GPC5: variants seen among roughly 807,000 people sequenced by gnomAD.
GPC5 encodes the protein glypican 5, also known as glypican-5.
GPC5 carries 47 observed loss-of-function variants against 53.9 expected under a neutral mutation model. The observed-to-expected ratio is 0.87, with a 90% CI of 0.69 to 1.11. GPC5 has a LOEUF of 1.11. GPC5 is among the 50% of genes most tolerant of loss of function. The pLI is 0.00. For synonymous variants in GPC5, 286 were observed against 263.3 expected, an observed-to-expected ratio of 1.09 and a Z score of -0.84; for missense variants, 748 against 713.1, an observed-to-expected ratio of 1.05 and a Z score of -0.56.
At chr13:91,450,115 T>C (rs992799168) in intron 2 of GPC5, among the ~76,000 whole-genome samples, 3 of 152,202 alleles carry the variant, frequency 2.0e-5, no homozygotes, top group Non-Finnish European at 4.4e-5. Context: ...GTGTAGTTCA[T>C]GATGAATTAA....
chr13:92,416,598 G>C (rs901574571), intron 7 of GPC5, among the ~76,000 whole-genome samples: 1 of 152,102 alleles, frequency 6.6e-6, no homozygotes, highest in Non-Finnish European at 1.5e-5. Context: ...ACATAAAGTA[G>C]TATCTAAACC....
chr13:92,130,593 G>T (rs1253229132), intron 6 of GPC5, among the ~76,000 whole-genome samples: 1 of 152,008 alleles, frequency 6.6e-6, no homozygotes, highest in African/African-American at 2.4e-5. Flanking sequence ...AGTAATCATT[G>T]ACACAAAAAT....
chr13:91,662,742 C>T (rs1392366961), intron 2 of GPC5, among the ~76,000 whole-genome samples: 1 of 152,104 alleles, frequency 6.6e-6, no homozygotes, highest in African/African-American at 2.4e-5. Flanking sequence ...CTCATTATTA[C>T]CATATTACCA....
At chr13:92,613,441 T>TGATATATATTTATATATAATATG (rs1555295351) in intron 7 of GPC5, among the ~76,000 whole-genome samples, 2 of 56,494 alleles carry the variant, frequency 3.5e-5, no homozygotes, top group African/African-American at 5.1e-5. Context: ...TATATATAAA[T>TGATATATATTTATATATAATATG]ATATATATTT....
intron 7 of GPC5, among the ~76,000 whole-genome samples, chr13:92,342,462 C>T (rs1409684142): frequency 6.6e-6 from 1 of 151,988 alleles, no homozygotes; most frequent in East Asian, 1.9e-4. Context: ...GTCCTCCGCC[C>T]TCATGAATGA....
intron 6 of GPC5, among the ~76,000 whole-genome samples, chr13:92,010,568 G>A (rs896718180): frequency 6.6e-6 from 1 of 152,064 alleles, no homozygotes; most frequent in African/African-American, 2.4e-5. Flanking sequence ...CACTATTTTT[G>A]GGCAATAATT....
intron 2 of GPC5, among the ~76,000 whole-genome samples, chr13:91,627,450 C>G (rs1474477213): frequency 2.0e-5 from 3 of 151,964 alleles, no homozygotes; most frequent in African/African-American, 7.3e-5. Context: ...GTGTGAGGAG[C>G]TTTTTTCTTT....
rs774716919 is a variant in GPC5, at chr13:92,081,345, G to A, written c.1402-63485G>A. Among the ~76,000 whole-genome samples, 9 of 152,142 alleles carry A rather than the reference G, an allele frequency of 5.9e-5. No individual in the cohort carries two copies. In the South Asian group the frequency reaches 1.0e-3, roughly 18 times the overall value. ...TCGAACTCCTGACCTCAAGTGATCCGCCTGCCTTGGACTCCCAAAGTGCTG... is the reference window on the plus strand; with the variant it reads ...TCGAACTCCTGACCTCAAGTGATCCACCTGCCTTGGACTCCCAAAGTGCTG... On this transcript the variant is annotated intron_variant, in intron 6 of 7. Transcript: ENST00000377067.
In GPC5 at chr13:91,490,657, T is replaced by G. The variant is rs1883891458; in HGVS notation, c.325+41735T>G. Among the ~76,000 whole-genome samples, 3 of 152,200 alleles carry G rather than the reference T, an allele frequency of 2.0e-5. No homozygotes were observed. The South Asian group carries it at 6.2e-4, about 32-fold the overall frequency. On this transcript the variant is annotated intron_variant, in intron 2 of 7. Transcript: ENST00000377067. ...CTTCAATTTCTTAACACAATAGGAGTTGAGTATACTTGTTTGAAGAAAAGA... is the reference window on the plus strand; with the variant it reads ...CTTCAATTTCTTAACACAATAGGAGGTGAGTATACTTGTTTGAAGAAAAGA...
At chr13:92,141,256 A>C (rs1044446681) in intron 6 of GPC5, among the ~76,000 whole-genome samples, 2 of 152,312 alleles carry the variant, frequency 1.3e-5, no homozygotes, top group African/African-American at 4.8e-5. Flanking sequence ...ATGATCAGGC[A>C]GAGCCTCCAT....
chr13:91,504,627 T>G (rs768235574), intron 2 of GPC5, among the ~76,000 whole-genome samples: 1 of 152,132 alleles, frequency 6.6e-6, no homozygotes, highest in Non-Finnish European at 1.5e-5. Flanking sequence ...TAATATAACC[T>G]TAAATAATAA....
intron 7 of GPC5, among the ~76,000 whole-genome samples, chr13:92,591,334 G>C (rs188967431): frequency 6.6e-6 from 1 of 152,100 alleles, no homozygotes; most frequent in Non-Finnish European, 1.5e-5. Flanking sequence ...TTGGGCTTCT[G>C]TTGCCTCCAG....
chr13:91,432,247 G>GTA (rs1879546057), intron 1 of GPC5, among the ~76,000 whole-genome samples: 4 of 134,944 alleles, frequency 3.0e-5, no homozygotes, highest in African/African-American at 1.1e-4. Context: ...GTGTGTGTGT[G>GTA]TGTATGTTTA....
chr13:92,506,958 G>A (rs1880391670), intron 7 of GPC5, among the ~76,000 whole-genome samples: 1 of 152,126 alleles, frequency 6.6e-6, no homozygotes, highest in African/African-American at 2.4e-5. Context: ...CTTAGTCTGT[G>A]CCTCTGTCTA....
chr13:92,485,001 G>T (rs1162165791), intron 7 of GPC5, among the ~76,000 whole-genome samples: 1 of 152,070 alleles, frequency 6.6e-6, no homozygotes, highest in Non-Finnish European at 1.5e-5. Flanking sequence ...CTCCCAAAGT[G>T]CCAGGATTAC....
At chr13:91,654,452 TTAC>T (rs1281560794) in intron 2 of GPC5, among the ~76,000 whole-genome samples, 2 of 152,152 alleles carry the variant, frequency 1.3e-5, no homozygotes, top group African/African-American at 4.8e-5. Context: ...GGATTATTGT[TTAC>T]TATTGTAGAA....
chr13:91,585,623 G>GT (rs1163115858), intron 2 of GPC5, among the ~76,000 whole-genome samples: 3 of 152,164 alleles, frequency 2.0e-5, no homozygotes, highest in Non-Finnish European at 4.4e-5. Context: ...TAGTGGTTGT[G>GT]TTTGGGGGGT....
intron 4 of GPC5, among the ~76,000 whole-genome samples, chr13:91,738,138 A>T (rs2036853471): frequency 6.6e-6 from 1 of 151,350 alleles, no homozygotes; most frequent in South Asian, 2.1e-4. Context: ...GATAAAGACA[A>T]ACTAGGTCTC....
chr13:92,759,135 T>C (rs1875052031), intron 7 of GPC5, among the ~76,000 whole-genome samples: 3 of 151,366 alleles, frequency 2.0e-5, no homozygotes, highest in South Asian at 2.1e-4. Context: ...AGTACCATAC[T>C]ATTTGCTTTC....
Sources: gnomAD v4.1 joint callset for allele counts (sites outside exome capture counted in the v4.1 genomes callset) on GRCh38, gnomAD v4.1.1 for gene constraint, MANE v1.5 for transcripts, NCBI Gene and HGNC (gene_info 2026-07-23, HGNC 2026-07-21) for gene names.